Variants in SGCZ observed in about 807,000 individuals in gnomAD.
SGCZ encodes sarcoglycan zeta.
A neutral mutation model predicts 41.3 loss-of-function variants in SGCZ; 40 were observed. The observed-to-expected ratio is 0.97, with a 90% CI of 0.75 to 1.26. The LOEUF (loss-of-function observed/expected upper bound fraction) is 1.26. Among genes scored for constraint, SGCZ ranks in the 50% most tolerant of loss-of-function variants. The probability of loss-of-function intolerance (pLI) is 0.00; values close to 1 mark genes in which losing one functional copy is unlikely to be tolerated. For synonymous variants in SGCZ, 206 were observed against 137.5 expected, an observed-to-expected ratio of 1.50 and a Z score of -3.49; for missense variants, 552 against 369.8, an observed-to-expected ratio of 1.49 and a Z score of -4.04.
Position 14,729,133 on chromosome 8 carries a change from A to G in SGCZ, c.40-174207T>C, listed in dbSNP as rs183018382. On this transcript the variant is annotated intron_variant, in intron 1 of 7. Transcript: ENST00000382080. ...AACCCATTCTATCAAAATGTAAACT[A>G]ATATGTCGAGCTGCTTGAATACCCA... Among the ~76,000 whole-genome samples, 474 of 152,240 alleles carry G rather than the reference A, an allele frequency of 3.1e-3. 4 individuals are homozygous for G. The highest frequency in any genetic ancestry group is 0.02 in the Admixed American group (310 of 15,294).
At chr8:14,099,240 T>G (rs1801937130) in intron 7 of SGCZ, among the ~76,000 whole-genome samples, 1 of 152,200 alleles carries the variant, frequency 6.6e-6, no homozygotes, top group Non-Finnish European at 1.5e-5. Flanking sequence ...CGCTGTTCAC[T>G]TTCCGACTTC....
chr8:15,013,057 G>A (rs1802898499), intron 1 of SGCZ, among the ~76,000 whole-genome samples: 1 of 151,952 alleles, frequency 6.6e-6, no homozygotes, highest in Non-Finnish European at 1.5e-5. Flanking sequence ...TTTAAGAAAT[G>A]GATTTATGGT....
At chr8:14,835,515 G>GT (rs1355492635) in intron 1 of SGCZ, among the ~76,000 whole-genome samples, 3 of 152,092 alleles carry the variant, frequency 2.0e-5, no homozygotes, top group African/African-American at 7.2e-5. Context: ...TTTCTCTCTG[G>GT]TTTTTACAGC....
chr8:14,986,121 T>C (rs1801818182), intron 1 of SGCZ, among the ~76,000 whole-genome samples: 1 of 152,114 alleles, frequency 6.6e-6, no homozygotes, highest in African/African-American at 2.4e-5. Context: ...TTTGATATTA[T>C]GCATTACAGT....
At chr8:14,615,325 A>G (rs1416410024) in intron 1 of SGCZ, among the ~76,000 whole-genome samples, 3 of 152,156 alleles carry the variant, frequency 2.0e-5, no homozygotes, top group Non-Finnish European at 4.4e-5. Context: ...CACCAGCCCC[A>G]AATAAGGGAG....
At chr8:14,472,644 C>T (rs1801246189) in intron 2 of SGCZ, among the ~76,000 whole-genome samples, 1 of 152,072 alleles carries the variant, frequency 6.6e-6, no homozygotes, top group African/African-American at 2.4e-5. Flanking sequence ...GGATCCTCTT[C>T]CATTCTACTG....
chr8:14,503,676 G>T (rs988136656), intron 2 of SGCZ, among the ~76,000 whole-genome samples: 1 of 152,054 alleles, frequency 6.6e-6, no homozygotes, highest in Non-Finnish European at 1.5e-5. Flanking sequence ...GCTGAGGCAG[G>T]AGAATCGCTT....
At chr8:14,994,294 C>T (rs993813739) in intron 1 of SGCZ, among the ~76,000 whole-genome samples, 32 of 152,084 alleles carry the variant, frequency 2.1e-4, no homozygotes, top group Admixed American at 9.2e-4. Context: ...CTTTAAGATG[C>T]ATGAGGGGGC....
chr8:14,131,028 C>T (rs948449404), intron 5 of SGCZ, among the ~76,000 whole-genome samples: 3 of 152,178 alleles, frequency 2.0e-5, no homozygotes, highest in Non-Finnish European at 4.4e-5. Flanking sequence ...AAACCAGCTG[C>T]ACCTAACCAC....
chr8:14,418,271 G>C (rs1206633750), intron 2 of SGCZ, among the ~76,000 whole-genome samples: 1 of 151,930 alleles, frequency 6.6e-6, no homozygotes, highest in Non-Finnish European at 1.5e-5. Flanking sequence ...CTGAGGGCTG[G>C]AGAACTGAGG....
chr8:14,604,922 G>A (rs1321458536), intron 1 of SGCZ, among the ~76,000 whole-genome samples: 8 of 152,070 alleles, frequency 5.3e-5, no homozygotes, highest in Non-Finnish European at 1.5e-5. Context: ...TTAAATTAAT[G>A]AATGACAAAT....
rs143573928 is a variant in SGCZ at position 15,013,926 on chromosome 8, C to T, written c.39+223659G>A. 1.0e-3 allele frequency among the ~76,000 whole-genome samples: 156 copies of T among 152,220 alleles called. 1 individual carries two copies. Among genetic ancestry groups the T allele is most frequent in the Non-Finnish European group, 1.8e-3 (124 of 68,016 alleles). On this transcript the variant is annotated intron_variant, in intron 1 of 7. Transcript: ENST00000382080. ...AGATTCATGCTTTCTCAGTTTAATG[C>T]TATTATTGTAATTGATATTTTTTAC...
intron 2 of SGCZ, among the ~76,000 whole-genome samples, chr8:14,332,900 T>C (rs751216649): frequency 4.0e-5 from 6 of 148,962 alleles, no homozygotes; most frequent in Non-Finnish European, 8.9e-5. Context: ...TGTGTGTCTA[T>C]ATATCTATAC....
chr8:15,064,225 A>G (rs930057167), intron 1 of SGCZ, among the ~76,000 whole-genome samples: 1 of 152,144 alleles, frequency 6.6e-6, no homozygotes, highest in Admixed American at 6.5e-5. Context: ...ATAACTATCT[A>G]TATTTCTCAG....
At chr8:14,766,110 G>T (rs1258765145) in intron 1 of SGCZ, among the ~76,000 whole-genome samples, 1 of 151,684 alleles carries the variant, frequency 6.6e-6, no homozygotes, top group African/African-American at 2.4e-5. Context: ...TTACAGGTAT[G>T]TGCCACCACA....
chr8:14,202,854 T>C (rs1390375829), intron 4 of SGCZ, among the ~76,000 whole-genome samples: 3 of 152,190 alleles, frequency 2.0e-5, no homozygotes, highest in Non-Finnish European at 4.4e-5. Context: ...GGTTTGGCTG[T>C]GTCTCCACCC....
At chr8:15,103,695 G>A (rs1352071061) in intron 1 of SGCZ, among the ~76,000 whole-genome samples, 1 of 151,910 alleles carries the variant, frequency 6.6e-6, no homozygotes, top group African/African-American at 2.4e-5. Context: ...ATCACAAACA[G>A]GATCAAAGGT....
At chr8:14,211,905 C>G (rs1485055284) in intron 4 of SGCZ, among the ~76,000 whole-genome samples, 1 of 152,106 alleles carries the variant, frequency 6.6e-6, no homozygotes, top group African/African-American at 2.4e-5. Context: ...GGTACCACAA[C>G]TTCTCTGCCA....
rs1211563921 is a variant in SGCZ at position 14,090,441 on chromosome 8, C to CT, written c.*1dup. On this transcript the variant is annotated 3_prime_UTR_variant, in exon 8 of 8. Transcript: ENST00000382080. ...TTCTGGTGTGAGGAGAAATCAGTCA[C>CT]TTCAGCTCCACAGGCAGATGTTGCT... 6 of 1,610,996 alleles carry CT rather than the reference C, an allele frequency of 3.7e-6. No homozygotes were observed. The highest frequency in any genetic ancestry group is 5.1e-6 in the Non-Finnish European group (6 of 1,178,348).
Sources: allele counts gnomAD v4.1 joint callset (sites outside exome capture counted in the v4.1 genomes callset), GRCh38; gene constraint gnomAD v4.1.1; transcripts MANE v1.5; gene names NCBI Gene and HGNC (gene_info 2026-07-23, HGNC 2026-07-21).